DLGAP2: variants seen among roughly 807,000 people sequenced by gnomAD.
DLGAP2 encodes the protein DLG associated protein 2.
DLGAP2 carries 26 observed loss-of-function variants against 100.3 expected under a neutral mutation model. That is an observed-to-expected ratio of 0.26 (90% CI 0.19 to 0.36). DLGAP2 has a LOEUF of 0.36. DLGAP2 is among the 10% of genes least tolerant of loss of function. DLGAP2 has a pLI of 1.00. For synonymous variants in DLGAP2, 886 were observed against 630.1 expected, an observed-to-expected ratio of 1.41 and a Z score of -6.08; for missense variants, 1,858 against 1,453.2, an observed-to-expected ratio of 1.28 and a Z score of -4.53.
intron 4 of DLGAP2, among the ~76,000 whole-genome samples, chr8:1,522,694 G>A (rs1205224374): frequency 9.2e-5 from 14 of 152,186 alleles, no homozygotes; most frequent in Non-Finnish European, 1.6e-4. Context: ...AGCAGAAAGA[G>A]GGAGAATGAG....
In DLGAP2 at chr8:1,250,852, G is replaced by A. The variant is rs147465762; in HGVS notation, c.74-7999G>A. Among the ~76,000 whole-genome samples, 536 of 152,292 alleles carry A rather than the reference G, an allele frequency of 3.5e-3. 4 individuals are homozygous for A. The highest frequency in any genetic ancestry group is 0.011 in the African/African-American group (477 of 41,576). On this transcript the variant is annotated intron_variant, in intron 2 of 14. Coordinates refer to ENST00000637795, the MANE Select transcript of DLGAP2 (RefSeq NM_001346810.2). The stretch of plus-strand genomic sequence containing the variant: ...GCCTGCTTCCTGATTACAGTCAGGC[G>A]CCAGGTAACGACGGGGTGACGCTCT...
intron 6 of DLGAP2, among the ~76,000 whole-genome samples, chr8:1,622,735 T>G (rs920146511): frequency 6.6e-6 from 1 of 152,236 alleles, no homozygotes; most frequent in African/African-American, 2.4e-5. Context: ...AAAAAAATTC[T>G]GAGCTACTAA....
intron 1 of DLGAP2, among the ~76,000 whole-genome samples, chr8:748,583 G>A (rs985081621): frequency 6.6e-6 from 1 of 152,150 alleles, no homozygotes; most frequent in African/African-American, 2.4e-5. Flanking sequence ...AGAATATCTC[G>A]TATCATTTAC....
intron 3 of DLGAP2, among the ~76,000 whole-genome samples, chr8:1,283,331 A>G (rs1055630949): frequency 3.9e-5 from 6 of 152,204 alleles, no homozygotes; most frequent in South Asian, 2.1e-4. Flanking sequence ...TGTGATCTGA[A>G]CCCAGCGCCC....
rs138955323 is a variant in DLGAP2, at chr8:1,307,262, G to T, written c.106+48379G>T. ...AAGAAGATTCACAAATGACCAATAA[G>T]CACAGCAACATCATTAATTATTAAG... On this transcript the variant is annotated intron_variant, in intron 3 of 14. Coordinates refer to ENST00000637795, the MANE Select transcript of DLGAP2 (RefSeq NM_001346810.2). 3.2e-3 allele frequency among the ~76,000 whole-genome samples: 485 copies of T among 152,222 alleles called. 1 individual carries two copies. Among genetic ancestry groups the T allele is most frequent in the African/African-American group, 0.011 (464 of 41,530 alleles).
chr8:1,428,838 C>T lies in DLGAP2; in HGVS notation c.107-72528C>T, dbSNP rs530810353. Reference sequence around the variant, plus strand: ...AGCCTTAAACAAAATCTGGCATGCACGGTCTACATCCAGCTGCTCACTCAC... The same window carrying T: ...AGCCTTAAACAAAATCTGGCATGCATGGTCTACATCCAGCTGCTCACTCAC... On this transcript the variant is annotated intron_variant, in intron 3 of 14. Transcript: ENST00000637795. 1.3e-4 allele frequency among the ~76,000 whole-genome samples: 20 copies of T among 152,328 alleles called. No homozygotes were observed. The East Asian group carries it at 1.7e-3, about 13-fold the overall frequency.
intron 6 of DLGAP2, among the ~76,000 whole-genome samples, chr8:1,600,083 C>T (rs928099404): frequency 4.6e-5 from 7 of 152,068 alleles, no homozygotes; most frequent in Non-Finnish European, 1.0e-4. Flanking sequence ...ATAATATCTC[C>T]CAGCATTTGC....
chr8:1,480,310 T>C (rs1227561502), intron 3 of DLGAP2, among the ~76,000 whole-genome samples: 3 of 152,152 alleles, frequency 2.0e-5, no homozygotes, highest in Non-Finnish European at 2.9e-5. Flanking sequence ...CTCCAGATTG[T>C]CTTGGAAGAG....
intron 2 of DLGAP2, among the ~76,000 whole-genome samples, chr8:1,243,314 G>A (rs1470625273): frequency 6.6e-6 from 1 of 152,112 alleles, no homozygotes; most frequent in East Asian, 1.9e-4. Flanking sequence ...GTGCAGCTCT[G>A]CTCTGCGAGG....
chr8:1,279,428 G>A (rs1255208520), intron 3 of DLGAP2, among the ~76,000 whole-genome samples: 3 of 152,202 alleles, frequency 2.0e-5, no homozygotes, highest in African/African-American at 4.8e-5. Flanking sequence ...AAAGTTAGAT[G>A]TGTTCAAAAC....
At chr8:887,042 C>G (rs1373221710) in intron 1 of DLGAP2, among the ~76,000 whole-genome samples, 2 of 152,180 alleles carry the variant, frequency 1.3e-5, no homozygotes, top group African/African-American at 4.8e-5. Flanking sequence ...TTTTGTGAAT[C>G]TGGATACTCC....
chr8:1,195,002 C>T (rs780554166), intron 2 of DLGAP2, among the ~76,000 whole-genome samples: 5 of 152,240 alleles, frequency 3.3e-5, no homozygotes, highest in African/African-American at 9.6e-5. Context: ...CTTCATTCCT[C>T]GTGCCCTGCT....
At chr8:1,032,714 C>G (rs1802009807) in intron 2 of DLGAP2, 1 of 152,152 alleles carries the variant, frequency 6.6e-6, no homozygotes, top group African/African-American at 2.4e-5. Context: ...CTGTTGTACT[C>G]CTAAATCACT....
At chr8:1,458,512 G>T (rs758529884) in intron 3 of DLGAP2, among the ~76,000 whole-genome samples, 1 of 152,128 alleles carries the variant, frequency 6.6e-6, no homozygotes, top group African/African-American at 2.4e-5. Flanking sequence ...ATTTAGACAG[G>T]CATTGTTACC....
intron 3 of DLGAP2, among the ~76,000 whole-genome samples, chr8:1,383,334 C>T (rs552805167): frequency 1.3e-5 from 2 of 152,162 alleles, no homozygotes; most frequent in East Asian, 1.9e-4. Context: ...GTGCTGCTGC[C>T]GCCACTTCAT....
intron 3 of DLGAP2, among the ~76,000 whole-genome samples, chr8:1,392,871 G>C (rs1015319596): frequency 4.2e-5 from 6 of 143,956 alleles, no homozygotes; most frequent in Non-Finnish European, 7.6e-5. Flanking sequence ...GTGTGTCTTT[G>C]TTAAATGTGA....
intron 1 of DLGAP2, among the ~76,000 whole-genome samples, chr8:859,323 G>A (rs1001131117): frequency 6.6e-6 from 1 of 152,130 alleles, no homozygotes; most frequent in Non-Finnish European, 1.5e-5. Flanking sequence ...TGTTGGCCAG[G>A]CTGGTCTGAA....
intron 2 of DLGAP2, among the ~76,000 whole-genome samples, chr8:946,367 C>T (rs1584912908): frequency 2.0e-5 from 3 of 151,940 alleles, no homozygotes; most frequent in African/African-American, 7.2e-5. Context: ...GGGTTCACAC[C>T]ATTCTTCTGC....
intron 3 of DLGAP2, among the ~76,000 whole-genome samples, chr8:1,272,911 G>A (rs1287733945): frequency 6.6e-6 from 1 of 152,152 alleles, no homozygotes; most frequent in East Asian, 1.9e-4. Flanking sequence ...GGAGATTCAT[G>A]ACCACGTAAA....
Sources: allele counts gnomAD v4.1 joint callset (sites outside exome capture counted in the v4.1 genomes callset), GRCh38; gene constraint gnomAD v4.1.1; transcripts MANE v1.5; gene names NCBI Gene and HGNC (gene_info 2026-07-23, HGNC 2026-07-21).